CACNA1A: variants seen among roughly 807,000 people sequenced by gnomAD.
CACNA1A encodes the protein voltage-dependent P/Q-type calcium channel subunit alpha-1A.
In CACNA1A, 57 loss-of-function variants were observed where a neutral mutation model predicts 262.4. The observed-to-expected ratio is 0.22, with a 90% CI of 0.18 to 0.27. The LOEUF (loss-of-function observed/expected upper bound fraction) is 0.27. Ranked by LOEUF, CACNA1A falls within the 10% of genes least tolerant of loss-of-function variation. The probability of loss-of-function intolerance (pLI) is 1.00; values close to 1 mark genes in which losing one functional copy is unlikely to be tolerated. For synonymous variants in CACNA1A, 1,431 were observed against 1,419.3 expected, an observed-to-expected ratio of 1.01 and a Z score of -0.18; for missense variants, 2,526 against 3,562.8, an observed-to-expected ratio of 0.71 and a Z score of 7.41.
chr19:13,409,430 A>G (rs1186050740), intron 3 of CACNA1A, among the ~76,000 whole-genome samples: 2 of 152,036 alleles, frequency 1.3e-5, no homozygotes, highest in Non-Finnish European at 2.9e-5. Flanking sequence ...TATTAGACTC[A>G]AAGTACAAAT....
At position 13,375,819 on chromosome 19, in the gene CACNA1A, A is replaced by G. The variant is rs73505124; in HGVS notation, c.540-4040T>C. Among the ~76,000 whole-genome samples, 949 of 152,134 alleles carry G rather than the reference A, an allele frequency of 6.2e-3. 10 individuals carry two copies. Among genetic ancestry groups the G allele is most frequent in the African/African-American group, 0.021 (885 of 41,434 alleles). Reference sequence around the variant, plus strand: ...AAAACAAACAAACAAACAAAAGGCCATAAGCTAGAGGTTAGCCAAGTTGTG... The same window carrying G: ...AAAACAAACAAACAAACAAAAGGCCGTAAGCTAGAGGTTAGCCAAGTTGTG... On this transcript the variant is annotated intron_variant, in intron 3 of 46. Transcript: ENST00000360228.
At chr19:13,285,297 G>A (rs759275141) in intron 20 of CACNA1A, 91 bp from the exon 21 acceptor site, 59 of 1,447,958 alleles carry the variant, frequency 4.1e-5, no homozygotes, top group South Asian at 5.0e-5. Flanking sequence ...GGCAAGAAGC[G>A]GCTGACATTT....
intron 15 of CACNA1A, 81 bp downstream of exon 15, chr19:13,307,701 G>C (rs2057934528): frequency 2.6e-6 from 3 of 1,147,696 alleles, no homozygotes; most frequent in Non-Finnish European, 2.6e-6. Flanking sequence ...GGAGTTCAGG[G>C]AAGCCCCTTG....
At chr19:13,253,980 C>T (rs2144730320) in intron 29 of CACNA1A, among the ~76,000 whole-genome samples, 1 of 150,300 alleles carries the variant, frequency 6.7e-6, no homozygotes, top group East Asian at 2.0e-4. Flanking sequence ...CTCAAGTGAT[C>T]CGCCTGCCTC....
At chr19:13,210,690 CAGAA>C (rs1482460538) in intron 43 of CACNA1A, 38 bp from the exon 44 acceptor site, 12 of 1,551,206 alleles carry the variant, frequency 7.7e-6, no homozygotes, top group Admixed American at 3.9e-5. Context: ...ACAGAAAAAA[CAGAA>C]AGAAGAAAAT....
chr19:13,406,794 C>T (rs78033179), intron 3 of CACNA1A, among the ~76,000 whole-genome samples: 6,980 of 151,796 alleles, frequency 0.046, 546 homozygotes, highest in East Asian at 0.37. Context: ...CTAAGCACAA[C>T]CACCCCTTGT....
chr19:13,448,048 G>A (rs149255999), intron 3 of CACNA1A, among the ~76,000 whole-genome samples: 18 of 149,214 alleles, frequency 1.2e-4, no homozygotes, highest in African/African-American at 4.5e-4. Context: ...TAATATATGA[G>A]CTTCCCTAAG....
intron 2 of CACNA1A, among the ~76,000 whole-genome samples, chr19:13,454,077 C>A (rs1031634966): frequency 6.6e-5 from 10 of 151,776 alleles, no homozygotes; most frequent in Admixed American, 6.6e-4. Context: ...TGATGGCTGG[C>A]AGCTTCTAGG....
intron 24 of CACNA1A, chr19:13,272,759 G>A (rs1380665047): frequency 6.6e-6 from 1 of 151,714 alleles, no homozygotes. Context: ...GAGGGGAGAG[G>A]GAGGGAAGGG....
At chr19:13,321,081 T>A (rs1328332886) in intron 10 of CACNA1A, among the ~76,000 whole-genome samples, 1 of 150,350 alleles carries the variant, frequency 6.7e-6, no homozygotes, top group African/African-American at 2.5e-5. Flanking sequence ...TCACCCGGGC[T>A]GGAGTGCAGT....
rs899071482 is a variant in CACNA1A, at chr19:13,395,464, T to C, written c.540-23685A>G. 3.3e-5 allele frequency among the ~76,000 whole-genome samples: 5 copies of C among 150,262 alleles called. No individual in the cohort carries two copies. The East Asian group carries it at 9.9e-4, about 30-fold the overall frequency. ...TGTCTCTACTAAAAAATACAAAAAT[T>C]AGCTGGGCATGGTGGTGCTTACCTG... On this transcript the variant is annotated intron_variant, in intron 3 of 46. Coordinates refer to ENST00000360228, the MANE Select transcript of CACNA1A (RefSeq NM_001127222.2).
chr19:13,227,302 C>T, intron 37 of CACNA1A, 129 bp downstream of exon 37: 1 of 466,314 alleles, frequency 2.1e-6, no homozygotes. Context: ...GAATCAAAAA[C>T]AAAAAAGAAG....
rs2057721148 is a variant in CACNA1A, at chr19:13,298,637, C to T, written c.2996G>A (p.Gly999Asp). ...GEGEGEGPDG[G>D]ERRRRHRHGA... ...ATGCCGGTGCCTTCTCCTGCGCTCG[C>T]CCCCGTCGGGGCCCTCGCCCTCGCC... The change falls in exon 19 of 47, where the codon GGC becomes GAC. Residue 999 changes from glycine (G) to aspartate (D), a missense_variant. By Grantham distance (94) the Gly-to-Asp change is moderately conservative. Transcript: ENST00000360228. 3 of 1,524,300 alleles carry T rather than the reference C, an allele frequency of 2.0e-6. No homozygotes were observed. Among genetic ancestry groups the T allele is most frequent in the East Asian group, 2.7e-5 (1 of 36,822 alleles). The allele number at this position is 1,524,300 out of a possible 1,614,324, so 94.4% of individuals were successfully genotyped here.
In CACNA1A at chr19:13,245,255, C is replaced by T. The variant is rs777769751; in HGVS notation, c.4877G>A (p.Arg1626His). The change falls in exon 31 of 47, where the codon CGC becomes CAC. Residue 1626 changes from arginine (R) to histidine (H), a missense_variant. Transcript: ENST00000360228. ...AAAGTCGAAGATGTTCCAGGCATCG[C>T]GGAAATAATTCTAGAATGGGGACCC... ...VMAFGILNYF[R>H]DAWNIFDFVT... 1.5e-5 allele frequency: 24 copies of T among 1,613,592 alleles called. No individual in the cohort carries two copies. Among genetic ancestry groups the T allele is most frequent in the Non-Finnish European group, 1.5e-5 (18 of 1,179,646 alleles).
intron 3 of CACNA1A, among the ~76,000 whole-genome samples, chr19:13,408,020 C>A (rs2060044460): frequency 6.6e-6 from 1 of 152,156 alleles, no homozygotes; most frequent in South Asian, 2.1e-4. Flanking sequence ...GCTTGTTTCC[C>A]CTTCATTTTC....
intron 3 of CACNA1A, among the ~76,000 whole-genome samples, chr19:13,400,195 GGTGT>G (rs147950353): frequency 6.6e-6 from 1 of 151,786 alleles, no homozygotes; most frequent in Non-Finnish European, 1.5e-5. Flanking sequence ...CACTTGAACA[GGTGT>G]GTGTGTGTGG....
At chr19:13,410,124 C>T (rs1421069278) in intron 3 of CACNA1A, among the ~76,000 whole-genome samples, 1 of 152,138 alleles carries the variant, frequency 6.6e-6, no homozygotes, top group Non-Finnish European at 1.5e-5. Flanking sequence ...CATCCCCTCT[C>T]GTCCACCAAG....
chr19:13,440,879 C>T (rs113428254), intron 3 of CACNA1A, among the ~76,000 whole-genome samples: 2,204 of 152,308 alleles, frequency 0.014, 30 homozygotes, highest in Middle Eastern at 0.027. Flanking sequence ...AAGCACGGCT[C>T]ACTGCAGACT....
intron 6 of CACNA1A, among the ~76,000 whole-genome samples, chr19:13,340,078 C>A (rs2058650947): frequency 6.6e-6 from 1 of 152,076 alleles, no homozygotes; most frequent in African/African-American, 2.4e-5. Context: ...GCACCGGCCG[C>A]CAGTAGGGAG....
Sources: allele counts gnomAD v4.1 joint callset (sites outside exome capture counted in the v4.1 genomes callset), GRCh38; gene constraint gnomAD v4.1.1; transcripts MANE v1.5; gene names NCBI Gene and HGNC (gene_info 2026-07-23, HGNC 2026-07-21).